The following CCT6A variants were observed in gnomAD, a reference collection of about 807,000 sequenced individuals.
CCT6A encodes chaperonin containing TCP1 subunit 6A.
In CCT6A, 6 loss-of-function variants were observed where a neutral mutation model predicts 58.6. The observed-to-expected ratio is 0.10, with a 90% CI of 0.06 to 0.20. The LOEUF (loss-of-function observed/expected upper bound fraction) is 0.20. Ranked by LOEUF, CCT6A falls within the 10% of genes least tolerant of loss-of-function variation. The pLI is 1.00. For synonymous variants in CCT6A, 245 were observed against 227.8 expected (o/e 1.08, Z -0.68); for missense variants, 516 against 648.8 (o/e 0.80, Z 2.22).
chr7:56,063,001 TCC>T lies in CCT6A; in HGVS notation c.1524-8_1524-7del. 6.2e-7 allele frequency: 1 copy of T among 1,603,134 alleles called. No homozygotes were observed. Among genetic ancestry groups the T allele is most frequent in the Middle Eastern group, 1.7e-4 (1 of 6,058 alleles). On this transcript the variant is annotated splice_polypyrimidine_tract_variant and intron_variant, in intron 13 of 13. Coordinates refer to ENST00000275603, the MANE Select transcript of CCT6A (RefSeq NM_001762.4). Reference sequence around the variant, plus strand: ...AATCATCTGAGCCATCTTATTTTTGTCCCCCTTTCAGCACTGTGATTGCCACC... The same window carrying T: ...AATCATCTGAGCCATCTTATTTTTGTCCCTTTCAGCACTGTGATTGCCACC...
intron 12 of CCT6A, 87 bp downstream of exon 12, chr7:56,061,936 C>G (rs1294360556): frequency 5.6e-5 from 38 of 678,812 alleles, no homozygotes; most frequent in Non-Finnish European, 8.5e-5. Flanking sequence ...TTTTGCTTTG[C>G]AATTTGACAC....
intron 5 of CCT6A, 47 bp downstream of exon 5, chr7:56,056,461 A>G (rs761870846): frequency 1.1e-6 from 1 of 942,336 alleles, no homozygotes; most frequent in Admixed American, 1.7e-5. Flanking sequence ...GGAGGCTCAC[A>G]CCTGTAATCC....
At position 56,063,321 on chromosome 7, in the gene CCT6A, T is replaced by G; in HGVS notation, c.*236T>G. 1.9e-6 allele frequency: 1 copy of G among 522,522 alleles called. No homozygotes were observed. Among genetic ancestry groups the G allele is most frequent in the South Asian group, 2.4e-5 (1 of 42,084 alleles). The allele number at this position is 522,522 out of a possible 1,614,324, so 32.4% of individuals were successfully genotyped here. A position where few individuals can be genotyped will look rare whatever the true frequency, so the allele number is the denominator to read the frequency against. ...CTTTTATCCAGTGAACAGGATGTTT[T>G]GCTTTAGCAGCAGTGACATAAAATT... is the stretch of plus-strand genomic sequence containing the variant. On this transcript the variant is annotated 3_prime_UTR_variant, in exon 14 of 14. Coordinates refer to ENST00000275603, the MANE Select transcript of CCT6A (RefSeq NM_001762.4).
At position 56,055,781 on chromosome 7, in the gene CCT6A, C is replaced by G. The variant is rs201108756; in HGVS notation, c.494C>G (p.Ala165Gly). Residue 165 changes from alanine to glycine, a missense_variant, in exon 4 of 14, where the codon GCA becomes GGA. Around this residue, in one of 3 missense-constraint regions of CCT6A, gnomAD observed 85 missense variants for 74.9 expected, o/e 1.13. Coordinates refer to ENST00000275603, the MANE Select transcript of CCT6A (RefSeq NM_001762.4). ...SLRTKVHAEL[A>G]DVLTEAVVDS... ...CGTACTAAAGTTCATGCTGAACTTG[C>G]AGATGTCTTAACAGAGGTATGTATT... 3 of 1,612,854 alleles carry G rather than the reference C, an allele frequency of 1.9e-6. No individual in the cohort carries two copies. The South Asian group carries it at 3.3e-5, about 18-fold the overall frequency.
chr7:56,062,659 TTTTA>T lies in CCT6A; in HGVS notation c.1451-23_1451-20del. The T allele has an allele frequency of 6.2e-7, 1 of 1,602,310 alleles. No individual in the cohort carries two copies. The highest frequency in any genetic ancestry group is 8.6e-7 in the Non-Finnish European group (1 of 1,169,226). On this transcript the variant is annotated intron_variant, in intron 12 of 13. Transcript: ENST00000275603. ...TGTTGGTTCTTACTGACTGAACTTA[TTTTA>T]AGATTTGGTTGCCTTTTAGGTGAGC...
intron 11 of CCT6A, among the ~76,000 whole-genome samples, chr7:56,061,285 T>C (rs965706488): frequency 6.6e-5 from 10 of 152,130 alleles, no homozygotes; most frequent in African/African-American, 2.2e-4. Context: ...GTATTGCTGC[T>C]GGGTTTGGGG....
intron 5 of CCT6A, among the ~76,000 whole-genome samples, chr7:56,057,469 G>T (rs144941183): frequency 9.5e-4 from 144 of 152,220 alleles, no homozygotes; most frequent in Middle Eastern, 6.8e-3. Flanking sequence ...CTCCGTAAGT[G>T]CTGGGATTAC....
intron 11 of CCT6A, 144 bp from the exon 12 acceptor site, chr7:56,061,603 T>C: frequency 2.1e-6 from 1 of 481,452 alleles, no homozygotes; most frequent in Non-Finnish European, 3.6e-6. Flanking sequence ...TTCCACGGCC[T>C]CCCAAAGTCC....
chr7:56,062,110 A>T (rs546040505), intron 12 of CCT6A: 69 of 300,626 alleles, frequency 2.3e-4, no homozygotes, highest in Non-Finnish European at 6.7e-5. Flanking sequence ...ATGTTGAAGG[A>T]TTTTCATATT....
chr7:56,054,362 C>T lies in CCT6A; in HGVS notation c.202-7C>T. 3.1e-6 allele frequency: 5 copies of T among 1,596,356 alleles called. No homozygotes were observed. The highest frequency in any genetic ancestry group is 2.2e-5 in the East Asian group (1 of 44,698). ...TTTTAAGTGATTCATTCTTTTTCTA[C>T]TTACAGCAAATTCAACACCCAACAG... On this transcript the variant is annotated splice_polypyrimidine_tract_variant and splice_region_variant and intron_variant, in intron 2 of 13. Coordinates refer to ENST00000275603, the MANE Select transcript of CCT6A (RefSeq NM_001762.4).
intron 5 of CCT6A, among the ~76,000 whole-genome samples, chr7:56,056,889 C>T (rs541660827): frequency 1.6e-4 from 24 of 151,246 alleles, no homozygotes; most frequent in African/African-American, 4.1e-4. Flanking sequence ...CTCTGCCTCC[C>T]GGGTTCACAC....
chr7:56,063,320 T>C lies in CCT6A; in HGVS notation c.*235T>C. 1.9e-6 allele frequency: 1 copy of C among 523,722 alleles called. No individual in the cohort carries two copies. Among genetic ancestry groups the C allele is most frequent in the South Asian group, 2.4e-5 (1 of 42,122 alleles). The allele number at this position is 523,722 out of a possible 1,614,324, so 32.4% of individuals were successfully genotyped here. A position where few individuals can be genotyped will look rare whatever the true frequency, so the allele number is the denominator to read the frequency against. ...TCTTTTATCCAGTGAACAGGATGTT[T>C]TGCTTTAGCAGCAGTGACATAAAAT... On this transcript the variant is annotated 3_prime_UTR_variant, in exon 14 of 14. Coordinates refer to ENST00000275603, the MANE Select transcript of CCT6A (RefSeq NM_001762.4).
chr7:56,057,915 ACC>A, intron 5 of CCT6A, 76 bp from the exon 6 acceptor site: 1 of 796,806 alleles, frequency 1.3e-6, no homozygotes, highest in Non-Finnish European at 2.2e-6. Context: ...AAATATCAAT[ACC>A]TTCTCATTTC....
chr7:56,054,135 C>T (rs1418959834), intron 2 of CCT6A, among the ~76,000 whole-genome samples: 1 of 151,852 alleles, frequency 6.6e-6, no homozygotes, highest in African/African-American at 2.4e-5. Context: ...TCTACTGAGC[C>T]TCAAGCTTCC....
chr7:56,055,205 T>C (rs6958480), intron 3 of CCT6A, among the ~76,000 whole-genome samples: 102,343 of 151,896 alleles, frequency 0.67, 34,724 homozygotes, highest in Non-Finnish European at 0.71. Flanking sequence ...ACCCAGGAGG[T>C]GGAGGTTGTG....
At chr7:56,052,838 G>T (rs1162448430) in intron 2 of CCT6A, among the ~76,000 whole-genome samples, 7 of 149,318 alleles carry the variant, frequency 4.7e-5, no homozygotes, top group Non-Finnish European at 1.0e-4. Flanking sequence ...CTGTCGACCA[G>T]CCTGGAGTCC....
chr7:56,056,805 T>G (rs1322527678), intron 5 of CCT6A, among the ~76,000 whole-genome samples: 1 of 151,246 alleles, frequency 6.6e-6, no homozygotes, highest in African/African-American at 2.4e-5. Flanking sequence ...TTGGCTTTTT[T>G]TTTTTTTGAG....
chr7:56,061,694 T>TA (rs1783419454), intron 11 of CCT6A, 53 bp from the exon 12 acceptor site: 2 of 409,658 alleles, frequency 4.9e-6, no homozygotes, highest in African/African-American at 2.8e-5. Flanking sequence ...TTTTTTTTTT[T>TA]ACTATCAGTT....
rs1794290964 is a variant in CCT6A, at chr7:56,055,748, C to T, written c.461C>T (p.Thr154Ile). 1 of 1,613,814 alleles carries T rather than the reference C, an allele frequency of 6.2e-7. No individual in the cohort carries two copies. Among genetic ancestry groups the T allele is most frequent in the Non-Finnish European group, 8.5e-7 (1 of 1,179,746 alleles). The change falls in exon 4 of 14, where the codon ACA becomes ATA. Residue 154 changes from threonine to isoleucine, a missense_variant. This residue lies in a region of CCT6A where 85 missense variants were observed against 74.9 expected (regional missense o/e 1.13). Coordinates refer to ENST00000275603, the MANE Select transcript of CCT6A (RefSeq NM_001762.4). Reference protein sequence around the residue: ...DRETLIDVARTSLRTKVHAEL... With the variant: ...DRETLIDVARISLRTKVHAEL... ...GAAACACTTATAGATGTGGCCAGAACATCTCTTCGTACTAAAGTTCATGCT... is the reference window on the plus strand; with the variant it reads ...GAAACACTTATAGATGTGGCCAGAATATCTCTTCGTACTAAAGTTCATGCT...
Sources: gnomAD v4.1 joint callset for allele counts (sites outside exome capture counted in the v4.1 genomes callset) on GRCh38, gnomAD v4.1.1 for gene constraint, gnomAD v4.1.1 regional missense constraint, MANE v1.5 for transcripts, NCBI Gene and HGNC (gene_info 2026-07-23, HGNC 2026-07-21) for gene names.